The following DGKB variants were observed in gnomAD, a reference collection of about 807,000 sequenced individuals.
DGKB encodes diacylglycerol kinase beta.
DGKB carries 67 observed loss-of-function variants against 114.3 expected under a neutral mutation model. The ratio of observed to expected loss-of-function variants is 0.59; its 90% CI spans 0.48 to 0.72. The LOEUF (loss-of-function observed/expected upper bound fraction) is 0.72. Among genes scored for constraint, DGKB ranks in the 30% least tolerant of loss-of-function variants. DGKB has a pLI of 0.00. For synonymous variants in DGKB, 398 were observed against 323.1 expected, an observed-to-expected ratio of 1.23 and a Z score of -2.49; for missense variants, 907 against 975.2, an observed-to-expected ratio of 0.93 and a Z score of 0.93.
intron 1 of DGKB, among the ~76,000 whole-genome samples, chr7:14,925,271 T>C (rs1218777791): frequency 6.6e-6 from 1 of 152,182 alleles, no homozygotes; most frequent in Non-Finnish European, 1.5e-5. Flanking sequence ...GTGCTTTACT[T>C]CTCTGGGATT....
intron 19 of DGKB, among the ~76,000 whole-genome samples, chr7:14,574,625 G>A (rs1398520935): frequency 6.6e-6 from 1 of 152,092 alleles, no homozygotes; most frequent in Non-Finnish European, 1.5e-5. Context: ...CAACTGCCAA[G>A]TGAACATTTC....
intron 23 of DGKB, among the ~76,000 whole-genome samples, chr7:14,312,456 G>T (rs1562904713): frequency 6.6e-6 from 1 of 152,180 alleles, no homozygotes; most frequent in Admixed American, 6.5e-5. Flanking sequence ...TTAATGCCTT[G>T]TTCGTTGCTA....
intron 25 of DGKB, among the ~76,000 whole-genome samples, chr7:14,174,874 G>C (rs1781497082): frequency 6.6e-6 from 1 of 152,212 alleles, no homozygotes; most frequent in African/African-American, 2.4e-5. Flanking sequence ...CATTTGGAGA[G>C]TGAAGGATCA....
At chr7:14,782,416 A>G (rs1839253121) in intron 2 of DGKB, among the ~76,000 whole-genome samples, 1 of 152,210 alleles carries the variant, frequency 6.6e-6, no homozygotes, top group Non-Finnish European at 1.5e-5. Flanking sequence ...CCTTGGAAAA[A>G]AAACTTTCAC....
At chr7:14,178,695 C>G (rs931724200) in intron 23 of DGKB, among the ~76,000 whole-genome samples, 2 of 152,008 alleles carry the variant, frequency 1.3e-5, no homozygotes, top group Non-Finnish European at 2.9e-5. Flanking sequence ...GGTAACTGTA[C>G]AGAAGTTCAA....
chr7:14,344,707 G>A (rs551890893), intron 22 of DGKB, among the ~76,000 whole-genome samples: 2 of 135,778 alleles, frequency 1.5e-5, no homozygotes, highest in Non-Finnish European at 3.3e-5. Context: ...GTCCTACAGT[G>A]TCTTTTTTTT....
At chr7:14,348,570 C>T (rs1812883486) in intron 21 of DGKB, among the ~76,000 whole-genome samples, 1 of 151,576 alleles carries the variant, frequency 6.6e-6, no homozygotes, top group African/African-American at 2.4e-5. Context: ...TGAGATATCA[C>T]CCCACACTTA....
At chr7:14,673,337 C>A (rs1819305512) in intron 12 of DGKB, among the ~76,000 whole-genome samples, 1 of 151,162 alleles carries the variant, frequency 6.6e-6, no homozygotes, top group Non-Finnish European at 1.5e-5. Context: ...AAATTATTGT[C>A]CATTACAGTT....
Position 14,828,258 on chromosome 7 carries a change from G to T in DGKB, c.70+12936C>A, listed in dbSNP as rs145414268. 9.0e-3 allele frequency among the ~76,000 whole-genome samples: 1,370 copies of T among 152,140 alleles called. 14 individuals are homozygous for T. Among genetic ancestry groups the T allele is most frequent in the African/African-American group, 0.032 (1,315 of 41,508 alleles). On this transcript the variant is annotated intron_variant, in intron 2 of 25. Coordinates refer to ENST00000402815, the MANE Select transcript of DGKB (RefSeq NM_001350709.2). ...AATATATAGCCTAGTGCCAAGCTCT[G>T]CCCGACAACATAAATCTCTCCAAGA...
chr7:14,618,135 C>CAT (rs1806899763), intron 15 of DGKB, among the ~76,000 whole-genome samples: 1 of 151,420 alleles, frequency 6.6e-6, no homozygotes, highest in South Asian at 2.1e-4. Context: ...CACACACACA[C>CAT]ACACGTACAC....
intron 23 of DGKB, among the ~76,000 whole-genome samples, chr7:14,318,841 T>G (rs917602294): frequency 3.9e-5 from 6 of 152,154 alleles, no homozygotes; most frequent in African/African-American, 1.4e-4. Flanking sequence ...TGCACACGTA[T>G]GTTTATTGCG....
At chr7:14,959,636 G>A (rs1786725582) in intron 1 of DGKB, among the ~76,000 whole-genome samples, 1 of 151,794 alleles carries the variant, frequency 6.6e-6, no homozygotes. Context: ...GTGCCTGAAA[G>A]AAGTAACTGG....
In DGKB at chr7:14,678,280, G is replaced by A. The variant is rs181435321; in HGVS notation, c.1035+4273C>T. Among the ~76,000 whole-genome samples the A allele has an allele frequency of 2.0e-3, 302 of 152,162 alleles. 3 individuals carry two copies. The highest frequency in any genetic ancestry group is 3.5e-4 in the Non-Finnish European group (24 of 67,972). On this transcript the variant is annotated intron_variant, in intron 12 of 25. Transcript: ENST00000402815. The stretch of plus-strand genomic sequence containing the variant: ...AGTGCAAACGATGTTAGACTATGGT[G>A]TGAAACCAATGGAGAGCATTTGAGT...
intron 2 of DGKB, among the ~76,000 whole-genome samples, chr7:14,778,345 C>A (rs1012769116): frequency 6.6e-6 from 1 of 152,050 alleles, no homozygotes; most frequent in African/African-American, 2.4e-5. Flanking sequence ...ATACCCACGA[C>A]CTGTTTTCTT....
chr7:14,892,654 G>T (rs1781432868), intron 1 of DGKB, among the ~76,000 whole-genome samples: 1 of 150,908 alleles, frequency 6.6e-6, no homozygotes, highest in South Asian at 2.1e-4. Context: ...CATGACTCTG[G>T]TCCAAAACCT....
At chr7:14,303,038 C>T (rs1338796246) in intron 23 of DGKB, among the ~76,000 whole-genome samples, 1 of 152,120 alleles carries the variant, frequency 6.6e-6, no homozygotes, top group Non-Finnish European at 1.5e-5. Context: ...AGCTATGCTG[C>T]TAAGCAAAAC....
chr7:14,936,312 C>A (rs746213109), intron 1 of DGKB, among the ~76,000 whole-genome samples: 2 of 152,028 alleles, frequency 1.3e-5, no homozygotes, highest in Admixed American at 1.3e-4. Context: ...ATTTCAGGAG[C>A]AAAATGAAAA....
chr7:14,337,579 T>C (rs1030097322), intron 23 of DGKB, among the ~76,000 whole-genome samples: 2 of 152,126 alleles, frequency 1.3e-5, no homozygotes, highest in African/African-American at 4.8e-5. Flanking sequence ...CACCAAAACA[T>C]AAAGCTATTG....
At chr7:14,706,249 T>A (rs1826205772) in intron 6 of DGKB, among the ~76,000 whole-genome samples, 1 of 146,382 alleles carries the variant, frequency 6.8e-6, no homozygotes, top group Admixed American at 6.8e-5. Flanking sequence ...AGGGATCAAT[T>A]CAACAAGAAG....
Sources: allele counts gnomAD v4.1 joint callset (sites outside exome capture counted in the v4.1 genomes callset), GRCh38; gene constraint gnomAD v4.1.1; transcripts MANE v1.5; gene names NCBI Gene and HGNC (gene_info 2026-07-23, HGNC 2026-07-21).